Variants in EFHB observed in about 807,000 individuals in gnomAD.
The protein encoded by EFHB is EF-hand domain family member B, also known as EF-hand domain-containing family member B.
Under a neutral mutation model 87.2 loss-of-function variants are expected in EFHB, and 91 were observed. The observed-to-expected ratio is 1.04, with a 90% CI of 0.88 to 1.24. The LOEUF (loss-of-function observed/expected upper bound fraction) is 1.24. Ranked by LOEUF, EFHB falls within the 50% of genes most tolerant of loss-of-function variation. The pLI is 0.00. For missense variants in EFHB, 1,084 were observed against 998.8 expected, an observed-to-expected ratio of 1.09 and a Z score of -1.15; for synonymous variants, 325 against 333.6, an observed-to-expected ratio of 0.97 and a Z score of 0.28.
intron 4 of EFHB, 23 bp downstream of exon 4, chr3:19,918,209 C>T: frequency 1.3e-6 from 2 of 1,542,100 alleles, no homozygotes; most frequent in South Asian, 1.3e-5. Flanking sequence ...CCCCTTCCCA[C>T]CCCTTATTTT....
At chr3:19,923,700 T>C (rs1174955277) in intron 1 of EFHB, among the ~76,000 whole-genome samples, 2 of 152,084 alleles carry the variant, frequency 1.3e-5, no homozygotes, top group Admixed American at 1.3e-4. Flanking sequence ...TATGAATTAT[T>C]AGACTCCAGT....
At chr3:19,938,061 A>T (rs1696063456), upstream of EFHB, among the ~76,000 whole-genome samples, 1 of 152,202 alleles carries the variant, frequency 6.6e-6, no homozygotes, top group South Asian at 2.1e-4. Context: ...ACTAACATTT[A>T]TGTGTTCTTC....
At chr3:19,880,129 G>GA in intron 12 of EFHB, among the ~76,000 whole-genome samples, 1 of 152,072 alleles carries the variant, frequency 6.6e-6, no homozygotes. Flanking sequence ...TAAAAAGAGT[G>GA]AAAAAAATAA....
At position 19,905,600 on chromosome 3, in the gene EFHB, C is replaced by T. The variant is rs1279659783; in HGVS notation, c.1418+20G>A. The T allele has an allele frequency of 6.2e-7, 1 of 1,609,460 alleles. No individual in the cohort carries two copies. ...CAAATGTCTAACACTTGTTCCTGGG[C>T]ACAGTATAATTAAACTTACATTTGT... On this transcript the variant is annotated intron_variant, in intron 6 of 12. Coordinates refer to ENST00000295824, the MANE Select transcript of EFHB (RefSeq NM_144715.4).
At chr3:19,908,606 A>C (rs372817344) in intron 5 of EFHB, among the ~76,000 whole-genome samples, 2 of 114,148 alleles carry the variant, frequency 1.8e-5, no homozygotes, top group East Asian at 2.4e-4. Flanking sequence ...GAGAGAAAGA[A>C]AGAAAGAAAG....
chr3:19,897,606 C>T (rs986435084), intron 8 of EFHB, among the ~76,000 whole-genome samples: 1 of 152,150 alleles, frequency 6.6e-6, no homozygotes, highest in African/African-American at 2.4e-5. Context: ...GAAAGATGTC[C>T]TATGTGCTGG....
chr3:19,945,873 CTTCAAAGACAATA>C (rs1170941095), intron 1 of EFHB: 1 of 152,230 alleles, frequency 6.6e-6, no homozygotes, highest in African/African-American at 2.4e-5. Context: ...ACCCGGTACA[CTTCAAAGACAATA>C]TTCTCGCCCT....
chr3:19,937,832 C>G (rs1196516501), upstream of EFHB, among the ~76,000 whole-genome samples: 1 of 152,094 alleles, frequency 6.6e-6, no homozygotes, highest in Non-Finnish European at 1.5e-5. Context: ...TTGGTTATAG[C>G]CCTGACCCTG....
At chr3:19,936,572 A>G (rs1311061326), upstream of EFHB, among the ~76,000 whole-genome samples, 18 of 152,094 alleles carry the variant, frequency 1.2e-4, 1 homozygote, top group Admixed American at 1.2e-3. Context: ...TCAAAAAATA[A>G]AAATAAAAAA....
chr3:19,939,370 CTTTT>C (rs147510880), intron 1 of EFHB, among the ~76,000 whole-genome samples: 11,528 of 64,092 alleles, frequency 0.18, 369 homozygotes, highest in Non-Finnish European at 0.24. Flanking sequence ...GTTGGGTCTC[CTTTT>C]TTTTTTTTTT....
intron 1 of EFHB, among the ~76,000 whole-genome samples, chr3:19,939,356 CTGGGT>C (rs1696095742): frequency 7.3e-6 from 1 of 137,228 alleles, no homozygotes; most frequent in Non-Finnish European, 1.5e-5. Context: ...GCCACTCAAA[CTGGGT>C]TGGGTCTCCT....
intron 4 of EFHB, among the ~76,000 whole-genome samples, chr3:19,915,794 G>C (rs1203041144): frequency 6.6e-6 from 1 of 150,824 alleles, no homozygotes; most frequent in African/African-American, 2.4e-5. Flanking sequence ...ACAACATGGT[G>C]AAACGCCATC....
In EFHB at chr3:19,918,272, C is replaced by A. The variant is rs764937014; in HGVS notation, c.1137G>T (p.Met379Ile). ...HDQAPGLPKGMDTTNTTFGTA... is the reference protein window; with the variant it reads ...HDQAPGLPKGIDTTNTTFGTA... The stretch of plus-strand genomic sequence containing the variant: ...TCCCAAATGTCGTATTGGTTGTGTC[C>A]ATGCCTTTTGGTAATCCTGGTGCTT... Residue 379 changes from methionine (M) to isoleucine (I), a missense_variant, in exon 4 of 13, where the codon ATG (methionine) becomes ATT (isoleucine). Transcript: ENST00000295824. 63 of 1,612,706 alleles carry A rather than the reference C, an allele frequency of 3.9e-5. No individual in the cohort carries two copies. Among genetic ancestry groups the A allele is most frequent in the Non-Finnish European group, 5.3e-5 (63 of 1,179,552 alleles).
chr3:19,920,849 G>A (rs1418201675), intron 1 of EFHB, among the ~76,000 whole-genome samples: 1 of 152,144 alleles, frequency 6.6e-6, no homozygotes, highest in Non-Finnish European at 1.5e-5. Context: ...GTGACATGTT[G>A]AGGAATTCAA....
At position 19,918,388 on chromosome 3, in the gene EFHB, G is replaced by C. The variant is rs750638391; in HGVS notation, c.1021C>G (p.Pro341Ala). 3 of 1,602,850 alleles carry C rather than the reference G, an allele frequency of 1.9e-6. No homozygotes were observed. Among genetic ancestry groups the C allele is most frequent in the Non-Finnish European group, 2.5e-6 (3 of 1,176,752 alleles). The change falls in exon 4 of 13, where the codon CCT becomes GCT. Residue 341 changes from proline (P) to alanine (A), a missense_variant. Physicochemically the swap from Pro to Ala is conservative, Grantham distance 27. Coordinates refer to ENST00000295824, the MANE Select transcript of EFHB (RefSeq NM_144715.4). ...ATTTTCTGTTGAAATGTGGTAATAGGCTGTGGGTTTATCAATGTGTTTGCC... is the reference window on the plus strand; with the variant it reads ...ATTTTCTGTTGAAATGTGGTAATAGCCTGTGGGTTTATCAATGTGTTTGCC... ...VLANTLINPQ[P>A]ITTFQQKIKD...
At chr3:19,939,147 T>C (rs1242480822), upstream of EFHB, among the ~76,000 whole-genome samples, 2 of 148,064 alleles carry the variant, frequency 1.4e-5, no homozygotes, top group Non-Finnish European at 3.0e-5. Context: ...CCTCAGGTGA[T>C]CCACCTGCCT....
At chr3:19,907,596 A>G (rs1006603472) in intron 5 of EFHB, among the ~76,000 whole-genome samples, 1 of 152,190 alleles carries the variant, frequency 6.6e-6, no homozygotes, top group Admixed American at 6.5e-5. Context: ...TATTTCATTT[A>G]CCTCATATTA....
intron 9 of EFHB, among the ~76,000 whole-genome samples, chr3:19,896,325 T>C (rs1694479215): frequency 6.6e-6 from 1 of 152,200 alleles, no homozygotes; most frequent in Non-Finnish European, 1.5e-5. Context: ...GTAATGTGCA[T>C]TTCTAACAAG....
chr3:19,937,694 C>T (rs1696054513), upstream of EFHB, among the ~76,000 whole-genome samples: 2 of 152,120 alleles, frequency 1.3e-5, no homozygotes, highest in South Asian at 4.1e-4. Context: ...TCTCTCTTTT[C>T]CTTTGAGCTC....
Sources: allele counts gnomAD v4.1 joint callset (sites outside exome capture counted in the v4.1 genomes callset), GRCh38; gene constraint gnomAD v4.1.1; transcripts MANE v1.5; gene names NCBI Gene and HGNC (gene_info 2026-07-23, HGNC 2026-07-21).